CD72: variants seen among roughly 807,000 people sequenced by gnomAD.
CD72 encodes B-cell differentiation antigen CD72.
In CD72, 28 loss-of-function variants were observed where a neutral mutation model predicts 50.7. The ratio of observed to expected loss-of-function variants is 0.55; its 90% CI spans 0.41 to 0.76. The LOEUF (loss-of-function observed/expected upper bound fraction) is 0.76. CD72 is among the 30% of genes least tolerant of loss of function. The probability of loss-of-function intolerance (pLI) is 0.00; values close to 1 mark genes in which losing one functional copy is unlikely to be tolerated. For missense variants in CD72, 403 were observed against 420.6 expected, an observed-to-expected ratio of 0.96 and a Z score of 0.37; for synonymous variants, 176 against 171.2, an observed-to-expected ratio of 1.03 and a Z score of -0.22.
intron 1 of CD72, among the ~76,000 whole-genome samples, chr9:35,643,729 A>G (rs1410117368): frequency 6.6e-6 from 1 of 152,142 alleles, no homozygotes; most frequent in Non-Finnish European, 1.5e-5. Context: ...TGTAATCCCA[A>G]CACTTTTGGA....
intron 1 of CD72, among the ~76,000 whole-genome samples, chr9:35,644,316 T>G (rs1358260541): frequency 7.7e-6 from 1 of 130,310 alleles, no homozygotes; most frequent in Non-Finnish European, 1.5e-5. Flanking sequence ...CACCGCTGTA[T>G]TCCAGCCTGG....
intron 6 of CD72, 145 bp from the exon 7 acceptor site, chr9:35,612,064 G>C (rs1822994842): frequency 1.7e-6 from 1 of 596,978 alleles, no homozygotes; most frequent in Non-Finnish European, 3.0e-6. Flanking sequence ...AATCCATCAA[G>C]TGCCACCCTG....
rs1260926307 is a variant in CD72, at chr9:35,616,695, G to C, written c.263-6C>G. On this transcript the variant is annotated splice_region_variant and splice_polypyrimidine_tract_variant and intron_variant, in intron 3 of 8. Coordinates refer to ENST00000259633, the MANE Select transcript of CD72 (RefSeq NM_001782.3). ...TCGCAGGCAGGTTGTGCGGCCTTAG[G>C]GGGACAGTGGGATGGATGAGGGCAG... 2 of 1,610,554 alleles carry C rather than the reference G, an allele frequency of 1.2e-6. No homozygotes were observed. The highest frequency in any genetic ancestry group is 2.2e-5 in the South Asian group (2 of 90,966).
intron 1 of CD72, among the ~76,000 whole-genome samples, chr9:35,628,808 T>C (rs547290158): frequency 2.0e-5 from 3 of 152,368 alleles, no homozygotes; most frequent in African/African-American, 7.2e-5. Flanking sequence ...TGTTCTACAC[T>C]GGCTCTCAGA....
intron 1 of CD72, among the ~76,000 whole-genome samples, chr9:35,627,966 A>G (rs771229795): frequency 2.6e-5 from 4 of 151,910 alleles, no homozygotes; most frequent in Non-Finnish European, 4.4e-5. Flanking sequence ...CTCCCAAGTA[A>G]CTAGGACTAC....
chr9:35,624,247 TAATAATAA>T (rs1396818528), upstream of CD72, among the ~76,000 whole-genome samples: 5 of 145,818 alleles, frequency 3.4e-5, no homozygotes, highest in African/African-American at 1.3e-4. Context: ...ATAATAATAA[TAATAATAA>T]TAATAATAAA....
chr9:35,625,880 C>A (rs1054234619), intron 1 of CD72, among the ~76,000 whole-genome samples: 25 of 152,092 alleles, frequency 1.6e-4, no homozygotes, highest in Admixed American at 1.6e-3. Context: ...TTAAGCCCAC[C>A]ATTGACACCT....
chr9:35,610,875 G>A, intron 7 of CD72, 122 bp from the exon 8 acceptor site: 1 of 726,320 alleles, frequency 1.4e-6, no homozygotes, highest in Non-Finnish European at 2.4e-6. Flanking sequence ...CCACATCTGG[G>A]CATGGTTCAG....
chr9:35,644,435 G>A (rs1047558487), intron 1 of CD72, among the ~76,000 whole-genome samples: 9 of 147,480 alleles, frequency 6.1e-5, no homozygotes, highest in African/African-American at 2.2e-4. Context: ...GACCAGTATC[G>A]ACAGAACCAG....
intron 1 of CD72, among the ~76,000 whole-genome samples, chr9:35,632,466 G>A (rs556776072): frequency 1.8e-3 from 266 of 150,964 alleles, no homozygotes; most frequent in African/African-American, 5.6e-3. Context: ...CACTGTGCCC[G>A]GCCTTCTCCT....
intron 1 of CD72, among the ~76,000 whole-genome samples, chr9:35,627,217 C>T (rs1260249101): frequency 1.5e-4 from 22 of 151,628 alleles, no homozygotes; most frequent in African/African-American, 2.4e-5. Context: ...CTCCACCTCC[C>T]GGGTTCAAGC....
chr9:35,642,362 C>T (rs546812615), intron 1 of CD72, among the ~76,000 whole-genome samples: 13 of 152,340 alleles, frequency 8.5e-5, no homozygotes, highest in African/African-American at 3.1e-4. Flanking sequence ...CACAAGTCTC[C>T]TTTAGCAGTG....
At chr9:35,616,956 G>C (rs887463806) in intron 3 of CD72, 86 of 1,420,632 alleles carry the variant, frequency 6.1e-5, no homozygotes, top group Non-Finnish European at 7.1e-5. Context: ...AGAGGGGAAG[G>C]GGGGCAGGTA....
upstream of CD72, among the ~76,000 whole-genome samples, chr9:35,622,158 G>T (rs1823151090): frequency 6.6e-6 from 1 of 152,172 alleles, no homozygotes; most frequent in Non-Finnish European, 1.5e-5. Context: ...TCAATCAAGA[G>T]TATGATTGCT....
intron 8 of CD72, 47 bp downstream of exon 8, chr9:35,610,544 GCTCTGAGTCCC>G: frequency 1.2e-6 from 1 of 819,432 alleles, no homozygotes; most frequent in South Asian, 2.2e-5. Context: ...CTGAGTCCCT[GCTCTGAGTCCC>G]TCTGCCCCTG....
intron 1 of CD72, among the ~76,000 whole-genome samples, chr9:35,639,192 T>C (rs1316438914): frequency 1.3e-5 from 2 of 152,054 alleles, no homozygotes; most frequent in Non-Finnish European, 2.9e-5. Context: ...CTAAGTAAAT[T>C]TTTTTTCCCT....
At position 35,610,057 on chromosome 9, in the gene CD72, TCCC is replaced by T; in HGVS notation, c.*263_*265del. ...TATCCGCTCAGCCCGTGCGCCCTCC[TCCC>T]CCACCCCATTCTACCATGGGAAGTT... On this transcript the variant is annotated 3_prime_UTR_variant, in exon 9 of 9. Coordinates refer to ENST00000259633, the MANE Select transcript of CD72 (RefSeq NM_001782.3). 1 of 302,440 alleles carries T rather than the reference TCCC, an allele frequency of 3.3e-6. No individual in the cohort carries two copies. 18.7% of individuals were successfully genotyped at this position (302,440 alleles called of 1,614,324 possible).
intron 1 of CD72, among the ~76,000 whole-genome samples, chr9:35,637,264 C>A (rs989343066): frequency 1.3e-5 from 2 of 152,234 alleles, no homozygotes; most frequent in African/African-American, 4.8e-5. Context: ...CTCAGCCCGC[C>A]TGCACCCAGG....
At chr9:35,627,221 T>C (rs1348545387) in intron 1 of CD72, among the ~76,000 whole-genome samples, 1 of 149,820 alleles carries the variant, frequency 6.7e-6, no homozygotes, top group Non-Finnish European at 1.5e-5. Flanking sequence ...ACCTCCCGGG[T>C]TCAAGCGATT....
Sources: gnomAD v4.1 joint callset for allele counts (sites outside exome capture counted in the v4.1 genomes callset) on GRCh38, gnomAD v4.1.1 for gene constraint, MANE v1.5 for transcripts, NCBI Gene and HGNC (gene_info 2026-07-23, HGNC 2026-07-21) for gene names.